Variants in STAMBP observed in about 807,000 individuals in gnomAD.
The protein encoded by STAMBP is STAM-binding protein.
STAMBP carries 31 observed loss-of-function variants against 50.7 expected under a neutral mutation model. The observed-to-expected ratio is 0.61, with a 90% CI of 0.46 to 0.83. STAMBP has a LOEUF of 0.83. Among genes scored for constraint, STAMBP ranks in the 40% least tolerant of loss-of-function variants. STAMBP has a pLI of 0.00. For synonymous variants in STAMBP, 211 were observed against 192.4 expected (o/e 1.10, Z -0.80); for missense variants, 472 against 518.9 (o/e 0.91, Z 0.88).
Position 73,865,403 on chromosome 2 carries a change from A to G in STAMBP, c.*3144A>G, listed in dbSNP as rs541384806. The G allele has an allele frequency of 1.3e-5, 2 of 152,298 alleles. No homozygotes were observed. The highest frequency in any genetic ancestry group is 1.9e-4 in the East Asian group (1 of 5,178). 9.4% of individuals were successfully genotyped at this position (152,298 alleles called of 1,614,324 possible). ...CCTGAGTTTGGAGACCAGTTTGTCC[A>G]AGGATCTTTCAAACATGTGAGCCCA... On this transcript the variant is annotated 3_prime_UTR_variant, in exon 10 of 10. Transcript: ENST00000394070.
chr2:73,843,105 A>G (rs1675609519), intron 2 of STAMBP, among the ~76,000 whole-genome samples: 1 of 152,016 alleles, frequency 6.6e-6, no homozygotes, highest in Non-Finnish European at 1.5e-5. Flanking sequence ...ATTTATCTTA[A>G]TAGATTCTTC....
chr2:73,870,972 G>T (rs964933763), downstream of STAMBP, among the ~76,000 whole-genome samples: 1 of 152,064 alleles, frequency 6.6e-6, no homozygotes, highest in Non-Finnish European at 1.5e-5. Context: ...GTCTCACTTT[G>T]TTGTCCAGGC....
Position 73,850,308 on chromosome 2 carries a change from C to G in STAMBP, c.868-68C>G. The G allele has an allele frequency of 6.5e-7, 1 of 1,533,246 alleles. No homozygotes were observed. The highest frequency in any genetic ancestry group is 8.8e-7 in the Non-Finnish European group (1 of 1,136,752). The allele number at this position is 1,533,246 out of a possible 1,614,324, so 95.0% of individuals were successfully genotyped here. Reference sequence around the variant, plus strand: ...GTATAGATGCTTACCTTTCCACTGTCGGGATGGAGTGGAGCAGGGTTGCAT... The same window carrying G: ...GTATAGATGCTTACCTTTCCACTGTGGGGATGGAGTGGAGCAGGGTTGCAT... On this transcript the variant is annotated intron_variant, in intron 6 of 9. Coordinates refer to ENST00000394070, the MANE Select transcript of STAMBP (RefSeq NM_213622.4). The surrounding 1 kb of genome is among the most constrained non-coding windows in gnomAD (Gnocchi z 4.3).
chr2:73,829,662 A>G (rs749093342), intron 1 of STAMBP, among the ~76,000 whole-genome samples, 152 bp downstream of exon 1: 7 of 152,170 alleles, frequency 4.6e-5, no homozygotes, highest in Non-Finnish European at 8.8e-5. Context: ...CTGCATCCCT[A>G]GTAGTCCTCA....
In STAMBP at chr2:73,862,914, A is replaced by G. The variant is rs1678503617; in HGVS notation, c.*655A>G. On this transcript the variant is annotated 3_prime_UTR_variant, in exon 10 of 10. Transcript: ENST00000394070. ...TTTGTGCTTCAGAGTGATCCATTTG[A>G]TCAAGCATTGTATAAACAGGTTAAA... The G allele has an allele frequency of 6.6e-6, 1 of 150,442 alleles. No individual in the cohort carries two copies. Among genetic ancestry groups the G allele is most frequent in the African/African-American group, 2.5e-5 (1 of 39,868 alleles). The allele number at this position is 150,442 out of a possible 1,614,324, so 9.3% of individuals were successfully genotyped here. A position where few individuals can be genotyped will look rare whatever the true frequency, so the allele number is the denominator to read the frequency against.
Position 73,866,509 on chromosome 2 carries a change from T to G in STAMBP, c.*4250T>G, listed in dbSNP as rs921177813. 6.6e-6 allele frequency: 1 copy of G among 152,258 alleles called. No homozygotes were observed. 9.4% of individuals were successfully genotyped at this position (152,258 alleles called of 1,614,324 possible). On this transcript the variant is annotated 3_prime_UTR_variant, in exon 10 of 10. Coordinates refer to ENST00000394070, the MANE Select transcript of STAMBP (RefSeq NM_213622.4). The stretch of plus-strand genomic sequence containing the variant: ...ATGCCTTGCAGTCAGTATAGGCACT[T>G]AACCTTATTGATCAGTTGTTCCTTG...
chr2:73,841,890 T>G (rs866031604), intron 2 of STAMBP, among the ~76,000 whole-genome samples: 1 of 152,222 alleles, frequency 6.6e-6, no homozygotes, highest in Non-Finnish European at 1.5e-5. Context: ...TCTATCCCCA[T>G]TCAGAAAACT....
chr2:73,853,134 G>A (rs915531961), intron 7 of STAMBP, among the ~76,000 whole-genome samples: 2 of 152,008 alleles, frequency 1.3e-5, no homozygotes, highest in Admixed American at 6.6e-5. Flanking sequence ...GTGAAGACTC[G>A]GATCGGCCTG....
At chr2:73,852,845 T>TTGTGTGTGTGTGTGTGTG (rs55727735) in intron 7 of STAMBP, among the ~76,000 whole-genome samples, 6 of 127,606 alleles carry the variant, frequency 4.7e-5, no homozygotes, top group African/African-American at 1.5e-4. Context: ...GCCTGGCTAA[T>TTGTGTGTGTGTGTGTGTG]TGTGTGTGTG....
intron 2 of STAMBP, among the ~76,000 whole-genome samples, chr2:73,844,214 C>T (rs962342055): frequency 6.6e-6 from 1 of 152,218 alleles, no homozygotes; most frequent in Non-Finnish European, 1.5e-5. Flanking sequence ...TACCTAAGCA[C>T]TTTTCATCAA....
chr2:73,840,930 C>A (rs983531665), intron 2 of STAMBP, among the ~76,000 whole-genome samples: 6 of 152,084 alleles, frequency 3.9e-5, no homozygotes, highest in African/African-American at 1.4e-4. Flanking sequence ...GTATGATCAA[C>A]CTTTAAGTCC....
At chr2:73,845,307 G>C in intron 4 of STAMBP, 45 bp downstream of exon 4, 1 of 1,327,206 alleles carries the variant, frequency 7.5e-7, no homozygotes, top group Non-Finnish European at 1.1e-6. Flanking sequence ...GCTTTTTTAG[G>C]CTGTGCCCTG....
intron 2 of STAMBP, among the ~76,000 whole-genome samples, chr2:73,834,885 GATC>G (rs1443602764): frequency 2.0e-5 from 3 of 152,172 alleles, no homozygotes; most frequent in African/African-American, 7.2e-5. Flanking sequence ...GGGATTGAAA[GATC>G]ATTGTGTTTG....
At chr2:73,835,487 A>G (rs1674605825) in intron 2 of STAMBP, among the ~76,000 whole-genome samples, 1 of 152,108 alleles carries the variant, frequency 6.6e-6, no homozygotes, top group Non-Finnish European at 1.5e-5. Context: ...CCCAATCAAT[A>G]TTTAAAGTAT....
At position 73,829,269 on chromosome 2, in the gene STAMBP, A is replaced by T. The variant is rs1673587123; in HGVS notation, c.-254A>T. 1 of 152,310 alleles carries T rather than the reference A, an allele frequency of 6.6e-6. No homozygotes were observed. The highest frequency in any genetic ancestry group is 2.4e-5 in the African/African-American group (1 of 41,452). 9.4% of individuals were successfully genotyped at this position (152,310 alleles called of 1,614,324 possible). ...TGGCAAGTTCGTCTTGAGTGCCTTC[A>T]AGAAGGGTTCCTCAAGCAGTTGTCG... On this transcript the variant is annotated 5_prime_UTR_variant, in exon 1 of 10. An upstream open reading frame in the 5' UTR gains an earlier in-frame stop. Coordinates refer to ENST00000394070, the MANE Select transcript of STAMBP (RefSeq NM_213622.4).
chr2:73,836,879 C>T (rs1422716391), intron 2 of STAMBP, among the ~76,000 whole-genome samples: 8 of 152,164 alleles, frequency 5.3e-5, no homozygotes, highest in African/African-American at 1.9e-4. Flanking sequence ...TTAGGCCTGG[C>T]CTGCTGCCCT....
chr2:73,832,123 T>C (rs1026102428), intron 2 of STAMBP, among the ~76,000 whole-genome samples: 4 of 87,726 alleles, frequency 4.6e-5, no homozygotes, highest in Non-Finnish European at 6.7e-5. Context: ...ATATATATGG[T>C]GCACAATTCA....
At chr2:73,834,248 T>A (rs1486567281) in intron 2 of STAMBP, among the ~76,000 whole-genome samples, 286 of 16,058 alleles carry the variant, frequency 0.018, 5 homozygotes, top group Non-Finnish European at 0.02. Flanking sequence ...TATATATATA[T>A]ATATATATAT....
At chr2:73,852,914 C>G (rs1677030541) in intron 7 of STAMBP, among the ~76,000 whole-genome samples, 1 of 94,882 alleles carries the variant, frequency 1.1e-5, no homozygotes, top group African/African-American at 4.5e-5. Context: ...ACTATGTTGG[C>G]CAGGTGTGTG....
Sources: allele counts gnomAD v4.1 joint callset (sites outside exome capture counted in the v4.1 genomes callset), GRCh38; gene constraint gnomAD v4.1.1; non-coding constraint Gnocchi (gnomAD v3.1); transcripts MANE v1.5; gene names NCBI Gene and HGNC (gene_info 2026-07-23, HGNC 2026-07-21).